The following RABGAP1L variants were observed in gnomAD, a reference collection of about 807,000 sequenced individuals.
RABGAP1L encodes the protein rab GTPase-activating protein 1-like.
In RABGAP1L, 63 loss-of-function variants were observed where a neutral mutation model predicts 137.7. The observed-to-expected ratio is 0.46, with a 90% CI of 0.37 to 0.56. The LOEUF (loss-of-function observed/expected upper bound fraction) is 0.56. Ranked by LOEUF, RABGAP1L falls within the 20% of genes least tolerant of loss-of-function variation. The pLI is 0.00. For missense variants in RABGAP1L, 1,095 were observed against 1,244.0 expected (o/e 0.88, Z 1.80); for synonymous variants, 431 against 433.7 (o/e 0.99, Z 0.08).
chr1:174,578,285 A>G (rs1005781514), intron 13 of RABGAP1L, among the ~76,000 whole-genome samples: 1 of 152,172 alleles, frequency 6.6e-6, no homozygotes, highest in African/African-American at 2.4e-5. Context: ...CCCAGGCTCA[A>G]GCAGTCCTCC....
chr1:174,502,838 A>T (rs996451855), intron 13 of RABGAP1L, among the ~76,000 whole-genome samples: 3 of 152,104 alleles, frequency 2.0e-5, no homozygotes, highest in Non-Finnish European at 4.4e-5. Context: ...ACTCTAGGAA[A>T]AACCAAGCTT....
At chr1:174,807,753 A>G (rs746874696) in intron 18 of RABGAP1L, among the ~76,000 whole-genome samples, 5 of 152,068 alleles carry the variant, frequency 3.3e-5, no homozygotes, top group Non-Finnish European at 5.9e-5. Flanking sequence ...TGCAGCCCAT[A>G]AGAAAAATAT....
intron 11 of RABGAP1L, among the ~76,000 whole-genome samples, chr1:174,320,980 A>C (rs1270604936): frequency 6.6e-6 from 1 of 152,142 alleles, no homozygotes; most frequent in Non-Finnish European, 1.5e-5. Flanking sequence ...CTTCTTACAA[A>C]AGTGAATAGG....
At position 174,397,461 on chromosome 1, in the gene RABGAP1L, G is replaced by C. The variant is rs550561312; in HGVS notation, c.1710+3316G>C. 2.0e-5 allele frequency among the ~76,000 whole-genome samples: 3 copies of C among 152,212 alleles called. No individual in the cohort carries two copies. In the South Asian group the frequency reaches 6.2e-4, roughly 32 times the overall value. On this transcript the variant is annotated intron_variant, in intron 13 of 25. Coordinates refer to ENST00000681986, the MANE Select transcript of RABGAP1L (RefSeq NM_001366446.1). ...TCCTGAGTGGCCACAGCAGCCTTCT[G>C]ATTCTCTGGACTGTAGCTGTGGTGA...
At chr1:174,468,527 A>G (rs1307730133) in intron 13 of RABGAP1L, among the ~76,000 whole-genome samples, 3 of 152,210 alleles carry the variant, frequency 2.0e-5, no homozygotes, top group Non-Finnish European at 4.4e-5. Flanking sequence ...TCAAATTTAA[A>G]TGTTATTGAT....
intron 18 of RABGAP1L, among the ~76,000 whole-genome samples, chr1:174,801,836 G>C (rs547877654): frequency 5.3e-5 from 8 of 152,210 alleles, no homozygotes; most frequent in African/African-American, 1.4e-4. Context: ...CAGGAGTTTT[G>C]ATATTGTGAA....
At chr1:174,952,391 G>T (rs991235957) in intron 19 of RABGAP1L, among the ~76,000 whole-genome samples, 1 of 134,396 alleles carries the variant, frequency 7.4e-6, no homozygotes, top group African/African-American at 2.8e-5. Flanking sequence ...TGCCCCTATA[G>T]TCCCAGCTAC....
intron 11 of RABGAP1L, among the ~76,000 whole-genome samples, chr1:174,363,022 A>G (rs1571412607): frequency 6.9e-6 from 1 of 144,062 alleles, no homozygotes; most frequent in Non-Finnish European, 1.6e-5. Flanking sequence ...CAGTTATCCC[A>G]GTGCCATTTA....
At chr1:174,222,209 G>T (rs1285494270) in intron 3 of RABGAP1L, among the ~76,000 whole-genome samples, 1 of 152,092 alleles carries the variant, frequency 6.6e-6, no homozygotes, top group East Asian at 1.9e-4. Context: ...AGTAGTGAGG[G>T]AAATGACATG....
chr1:174,920,416 A>G (rs1422182456), intron 19 of RABGAP1L, among the ~76,000 whole-genome samples: 1 of 152,212 alleles, frequency 6.6e-6, no homozygotes, highest in Non-Finnish European at 1.5e-5. Context: ...TGCAGGAAAG[A>G]TTCACCTCCA....
At chr1:174,497,062 G>T (rs1572056934) in intron 13 of RABGAP1L, among the ~76,000 whole-genome samples, 1 of 152,212 alleles carries the variant, frequency 6.6e-6, no homozygotes, top group East Asian at 1.9e-4. Context: ...ATCTCTCTAG[G>T]TTCTTCTACC....
At chr1:174,764,567 C>G (rs1404752068) in intron 18 of RABGAP1L, among the ~76,000 whole-genome samples, 1 of 152,166 alleles carries the variant, frequency 6.6e-6, no homozygotes, top group East Asian at 1.9e-4. Context: ...GGTTTCCTAG[C>G]CAAACAACCC....
chr1:174,808,853 C>T (rs1247918596), intron 18 of RABGAP1L, among the ~76,000 whole-genome samples: 1 of 151,998 alleles, frequency 6.6e-6, no homozygotes, highest in South Asian at 2.1e-4. Flanking sequence ...GATGGAGTTT[C>T]ACCGTGTTGG....
rs376480241 is a variant in RABGAP1L at position 174,436,669 on chromosome 1, G to A, written c.1710+42524G>A. On this transcript the variant is annotated intron_variant, in intron 13 of 25. Transcript: ENST00000681986. ...AAGCTCTTTAGTTTAATTAGATCCC[G>A]TTTGTCAATTTTGGCTTTTGTTGCC... Among the ~76,000 whole-genome samples the A allele has an allele frequency of 3.8e-3, 573 of 152,132 alleles. 3 individuals are homozygous for A. The highest frequency in any genetic ancestry group is 0.013 in the South Asian group (63 of 4,828).
intron 7 of RABGAP1L, among the ~76,000 whole-genome samples, chr1:174,260,471 A>G (rs982373638): frequency 4.6e-5 from 7 of 152,166 alleles, no homozygotes; most frequent in Non-Finnish European, 8.8e-5. Context: ...GACATTAACA[A>G]CTAAGAGGAG....
At chr1:174,790,411 G>A (rs1687761454) in intron 18 of RABGAP1L, among the ~76,000 whole-genome samples, 1 of 152,028 alleles carries the variant, frequency 6.6e-6, no homozygotes, top group African/African-American at 2.4e-5. Flanking sequence ...ATCACCTGAG[G>A]TCAGGAGTTC....
At chr1:174,233,147 A>C (rs1670828862) in intron 4 of RABGAP1L, among the ~76,000 whole-genome samples, 1 of 150,776 alleles carries the variant, frequency 6.6e-6, no homozygotes, top group Non-Finnish European at 1.5e-5. Flanking sequence ...ATTCAAGAGG[A>C]CTCCCTTCTC....
In RABGAP1L at chr1:174,241,413, CCT is replaced by C. The variant is rs1215911732; in HGVS notation, c.543-69_543-68del. On this transcript the variant is annotated intron_variant, in intron 4 of 25. Transcript: ENST00000681986. ...TGTTCTTTTTTTTTAAAAAAAAAAA[CCT>C]AACTGGAAATATGTCTTTGTTCTTC... 8 of 999,568 alleles carry C rather than the reference CCT, an allele frequency of 8.0e-6. No individual in the cohort carries two copies. In the East Asian group the frequency reaches 2.3e-4, roughly 28 times the overall value. The allele number at this position is 999,568 out of a possible 1,614,324, so 61.9% of individuals were successfully genotyped here.
chr1:174,815,994 A>G (rs1261262176), intron 19 of RABGAP1L, among the ~76,000 whole-genome samples: 1 of 152,168 alleles, frequency 6.6e-6, no homozygotes, highest in Non-Finnish European at 1.5e-5. Context: ...ATTAAATATC[A>G]TACTTTGATT....
Sources: gnomAD v4.1 joint callset for allele counts (sites outside exome capture counted in the v4.1 genomes callset) on GRCh38, gnomAD v4.1.1 for gene constraint, MANE v1.5 for transcripts, NCBI Gene and HGNC (gene_info 2026-07-23, HGNC 2026-07-21) for gene names.